PAX5: variants seen among roughly 807,000 people sequenced by gnomAD.
PAX5 encodes paired box 5.
A neutral mutation model predicts 43.7 loss-of-function variants in PAX5; 9 were observed. That is an observed-to-expected ratio of 0.21 (90% confidence interval 0.12 to 0.36). PAX5 has a LOEUF of 0.36. Ranked by LOEUF, PAX5 falls within the 10% of genes least tolerant of loss-of-function variation. The pLI, the probability that PAX5 is intolerant of heterozygous loss-of-function variation, is 1.00. For missense variants in PAX5, 383 were observed against 532.7 expected (o/e 0.72, Z 2.77); for synonymous variants, 228 against 214.3 (o/e 1.06, Z -0.56).
At chr9:36,970,433 CAG>C (rs1834838780) in intron 5 of PAX5, among the ~76,000 whole-genome samples, 1 of 152,094 alleles carries the variant, frequency 6.6e-6, no homozygotes, top group Non-Finnish European at 1.5e-5. Context: ...CCCCAGGGGC[CAG>C]AGAGAGGATC....
intron 6 of PAX5, among the ~76,000 whole-genome samples, chr9:36,941,608 T>G (rs1387983698): frequency 1.3e-5 from 2 of 152,162 alleles, no homozygotes; most frequent in Non-Finnish European, 2.9e-5. Flanking sequence ...GCCAGCCAGG[T>G]AGGCACTGGG....
At position 36,865,938 on chromosome 9, in the gene PAX5, G is replaced by A. The variant is rs187019707; in HGVS notation, c.1012+16066C>T. 7.8e-4 allele frequency among the ~76,000 whole-genome samples: 119 copies of A among 152,362 alleles called. 2 individuals are homozygous for A. Among genetic ancestry groups the A allele is most frequent in the Admixed American group, 7.0e-3 (107 of 15,304 alleles). The stretch of plus-strand genomic sequence containing the variant: ...AGTGGTGCCACGCTGTGAAAAGCAA[G>A]TCTGCCCATCCTCGGGCAGGTGGGG... On this transcript the variant is annotated intron_variant, in intron 8 of 9. Transcript: ENST00000358127.
intron 7 of PAX5, among the ~76,000 whole-genome samples, chr9:36,904,356 A>AC (rs1188951558): frequency 6.6e-6 from 1 of 152,126 alleles, no homozygotes; most frequent in Non-Finnish European, 1.5e-5. Context: ...TGGGCATGTG[A>AC]CCCCATCTTG....
chr9:36,884,228 G>T (rs1042488391), intron 7 of PAX5, among the ~76,000 whole-genome samples: 1 of 152,136 alleles, frequency 6.6e-6, no homozygotes, highest in African/African-American at 2.4e-5. Context: ...CTCACAATTT[G>T]TTAATATACA....
intron 5 of PAX5, among the ~76,000 whole-genome samples, chr9:36,994,027 C>T (rs994175784): frequency 1.7e-4 from 26 of 152,206 alleles, no homozygotes; most frequent in Non-Finnish European, 3.4e-4. Context: ...GGGGCTCTCG[C>T]TCACTGAATC....
intron 8 of PAX5, chr9:36,856,476 T>C (rs1008420230): frequency 6.6e-6 from 1 of 152,038 alleles, no homozygotes; most frequent in East Asian, 1.9e-4. Flanking sequence ...TCAGTTCGGC[T>C]CACTTCAAAA....
intron 6 of PAX5, among the ~76,000 whole-genome samples, chr9:36,942,786 G>A (rs551220217): frequency 1.3e-5 from 2 of 152,246 alleles, no homozygotes; most frequent in South Asian, 4.1e-4. Flanking sequence ...TGGAAGCAGA[G>A]CTTTTAGCAG....
At chr9:36,858,882 C>T (rs978100057) in intron 8 of PAX5, among the ~76,000 whole-genome samples, 6 of 152,118 alleles carry the variant, frequency 3.9e-5, no homozygotes, top group Non-Finnish European at 8.8e-5. Context: ...CTGAATGTCC[C>T]GCCGCTGACT....
chr9:36,981,443 A>AAAAC (rs1564036031), intron 5 of PAX5, among the ~76,000 whole-genome samples: 1 of 150,082 alleles, frequency 6.7e-6, no homozygotes, highest in Non-Finnish European at 1.5e-5. Flanking sequence ...GCAAAAAAAA[A>AAAAC]AAAACAAAAA....
intron 6 of PAX5, among the ~76,000 whole-genome samples, chr9:36,943,399 C>T (rs7853360): frequency 0.75 from 113,726 of 152,068 alleles, 42,810 homozygotes; most frequent in East Asian, 0.8. Flanking sequence ...CTCTAGGACA[C>T]GAGACTGGAG....
At chr9:36,883,079 G>A (rs919500213) in intron 7 of PAX5, among the ~76,000 whole-genome samples, 63 of 152,308 alleles carry the variant, frequency 4.1e-4, no homozygotes, top group African/African-American at 1.5e-3. Context: ...TGCCTGGGAT[G>A]GATAAGAGGA....
intron 6 of PAX5, among the ~76,000 whole-genome samples, chr9:36,963,344 C>T (rs1172233832): frequency 6.6e-6 from 1 of 152,214 alleles, no homozygotes; most frequent in Admixed American, 6.5e-5. Context: ...CAGACCCCAT[C>T]TCTCCATGAG....
chr9:36,904,249 T>C (rs572059244), intron 7 of PAX5, among the ~76,000 whole-genome samples: 10 of 152,288 alleles, frequency 6.6e-5, no homozygotes, highest in African/African-American at 2.4e-4. Context: ...TCTCTAGCTG[T>C]TCAGGATTGA....
chr9:36,855,829 T>A (rs1823618464), intron 8 of PAX5, among the ~76,000 whole-genome samples: 2 of 152,220 alleles, frequency 1.3e-5, no homozygotes, highest in Admixed American at 6.5e-5. Context: ...GTTTCCTTCA[T>A]CCCAAACACC....
At chr9:36,877,375 G>A (rs1445941763) in intron 8 of PAX5, among the ~76,000 whole-genome samples, 1 of 152,118 alleles carries the variant, frequency 6.6e-6, no homozygotes, top group Non-Finnish European at 1.5e-5. Flanking sequence ...AGTGAAAGTA[G>A]TGGCAGCTAA....
At position 37,015,975 on chromosome 9, in the gene PAX5, G is replaced by A. The variant is rs980840363; in HGVS notation, c.213-781C>T. ...ATTTTATAGTTTACAGAAAACTTTCGAGTCAGTTTTCCCATTTTATCTCCA... is the reference window on the plus strand; with the variant it reads ...ATTTTATAGTTTACAGAAAACTTTCAAGTCAGTTTTCCCATTTTATCTCCA... On this transcript the variant is annotated intron_variant, in intron 2 of 9. Transcript: ENST00000358127. The surrounding 1 kb of genome is among the most constrained non-coding windows in gnomAD (Gnocchi z 4.4). Among the ~76,000 whole-genome samples the A allele has an allele frequency of 6.6e-6, 1 of 152,178 alleles. No individual in the cohort carries two copies. Among genetic ancestry groups the A allele is most frequent in the Non-Finnish European group, 1.5e-5 (1 of 68,032 alleles).
chr9:37,020,033 G>A (rs977777035), intron 2 of PAX5, among the ~76,000 whole-genome samples: 4 of 151,736 alleles, frequency 2.6e-5, no homozygotes, highest in African/African-American at 9.7e-5. Context: ...TTAGTATTTT[G>A]TTTGCAGCAA....
chr9:36,871,326 G>C (rs73648161), intron 8 of PAX5, among the ~76,000 whole-genome samples: 7,163 of 152,184 alleles, frequency 0.047, 314 homozygotes, highest in African/African-American at 0.11. Flanking sequence ...TGGTCATCAG[G>C]AATTAGGATA....
chr9:36,913,546 C>T (rs1252108438), intron 7 of PAX5, among the ~76,000 whole-genome samples: 4 of 152,240 alleles, frequency 2.6e-5, no homozygotes, highest in Non-Finnish European at 4.4e-5. Flanking sequence ...GAGACACCTG[C>T]AGATAATTAG....
Sources: gnomAD v4.1 joint callset for allele counts (sites outside exome capture counted in the v4.1 genomes callset) on GRCh38, gnomAD v4.1.1 for gene constraint, Gnocchi (gnomAD v3.1) non-coding constraint, MANE v1.5 for transcripts, NCBI Gene and HGNC (gene_info 2026-07-23, HGNC 2026-07-21) for gene names.